CHRM5: variants seen among roughly 807,000 people sequenced by gnomAD.
CHRM5 encodes muscarinic acetylcholine receptor M5.
CHRM5 carries 18 observed loss-of-function variants against 39.0 expected under a neutral mutation model. The observed-to-expected ratio is 0.46, with a 90% confidence interval of 0.32 to 0.68. CHRM5 has a LOEUF of 0.68. Among genes scored for constraint, CHRM5 ranks in the 30% least tolerant of loss-of-function variants. CHRM5 has a pLI of 0.04. For missense variants in CHRM5, 515 were observed against 651.1 expected (o/e 0.79, Z 2.28); for synonymous variants, 241 against 246.3 (o/e 0.98, Z 0.20).
At chr15:34,031,130 T>C (rs1228938741) in intron 1 of CHRM5, among the ~76,000 whole-genome samples, 1 of 138,120 alleles carries the variant, frequency 7.2e-6, no homozygotes, top group East Asian at 2.2e-4. Flanking sequence ...TTTTTTTTTG[T>C]AACAGCCTAT....
intron 2 of CHRM5, among the ~76,000 whole-genome samples, chr15:34,061,846 G>A (rs1367353255): frequency 6.6e-6 from 1 of 152,172 alleles, no homozygotes; most frequent in Admixed American, 6.5e-5. Flanking sequence ...GTATAATATG[G>A]TCTTGGCTCA....
chr15:33,995,506 G>C (rs760188793), intron 1 of CHRM5, among the ~76,000 whole-genome samples: 1 of 152,082 alleles, frequency 6.6e-6, no homozygotes, highest in Non-Finnish European at 1.5e-5. Flanking sequence ...ATCCACAGGC[G>C]TCCTGAAACC....
chr15:33,973,839 G>A (rs1362994179), intron 1 of CHRM5, among the ~76,000 whole-genome samples: 1 of 152,178 alleles, frequency 6.6e-6, no homozygotes, highest in Non-Finnish European at 1.5e-5. Context: ...CAGCAGATGT[G>A]TTAAATGAAT....
chr15:34,013,913 C>CT, intron 1 of CHRM5, among the ~76,000 whole-genome samples: 1 of 152,292 alleles, frequency 6.6e-6, no homozygotes, highest in East Asian at 1.9e-4. Flanking sequence ...GGAACGGCTG[C>CT]TATCTTCCGC....
chr15:34,035,810 T>C (rs1899089809), intron 1 of CHRM5, among the ~76,000 whole-genome samples: 1 of 150,930 alleles, frequency 6.6e-6, no homozygotes, highest in South Asian at 2.1e-4. Flanking sequence ...AAGTTAGTTA[T>C]TTGAGACAGA....
chr15:34,035,941 G>A (rs1379327208), intron 1 of CHRM5, among the ~76,000 whole-genome samples: 1 of 152,050 alleles, frequency 6.6e-6, no homozygotes, highest in African/African-American at 2.4e-5. Flanking sequence ...GACTACAGAT[G>A]CACCCCGCCA....
chr15:34,048,987 G>GGTTTT (rs1415637721), intron 2 of CHRM5, among the ~76,000 whole-genome samples: 1 of 152,076 alleles, frequency 6.6e-6, no homozygotes, highest in Non-Finnish European at 1.5e-5. Flanking sequence ...ACTGTTAAAA[G>GGTTTT]AAAAACAAAC....
rs1410227999 is a variant in CHRM5, at chr15:34,066,076, T to C, written c.*1760T>C. The C allele has an allele frequency of 1.3e-5, 2 of 152,284 alleles. No individual in the cohort carries two copies. The highest frequency in any genetic ancestry group is 3.9e-4 in the East Asian group (2 of 5,192). The allele number at this position is 152,284 out of a possible 1,614,324, so 9.4% of individuals were successfully genotyped here. A position where few individuals can be genotyped will look rare whatever the true frequency, so the allele number is the denominator to read the frequency against. On this transcript the variant is annotated 3_prime_UTR_variant, in exon 3 of 3. Transcript: ENST00000383263. ...AGTAGAATCTCAGGCAGGACGGGAC[T>C]GGTCCCTTATAAAGACTTCACGTTG...
At chr15:34,022,840 G>T (rs1235887067) in intron 1 of CHRM5, among the ~76,000 whole-genome samples, 1 of 152,194 alleles carries the variant, frequency 6.6e-6, no homozygotes, top group Non-Finnish European at 1.5e-5. Context: ...TGCTACCTCT[G>T]TACCACCACT....
chr15:34,025,095 G>A (rs1180112728), intron 1 of CHRM5, among the ~76,000 whole-genome samples: 5 of 151,718 alleles, frequency 3.3e-5, no homozygotes, highest in South Asian at 4.2e-4. Context: ...GTTTGAGCCC[G>A]GGAGGCAGAG....
intron 1 of CHRM5, among the ~76,000 whole-genome samples, chr15:34,031,421 T>C (rs1189024453): frequency 1.3e-5 from 2 of 151,990 alleles, no homozygotes; most frequent in East Asian, 1.9e-4. Context: ...GTGATCTGCC[T>C]GCCTCAGCCT....
intron 1 of CHRM5, among the ~76,000 whole-genome samples, chr15:34,027,525 T>G (rs1220221018): frequency 1.7e-5 from 1 of 57,838 alleles, no homozygotes; most frequent in African/African-American, 3.2e-5. Context: ...AGAGACTCTG[T>G]CTCAAAAAAA....
chr15:33,998,367 A>T (rs67436900), intron 1 of CHRM5, among the ~76,000 whole-genome samples: 31,820 of 152,102 alleles, frequency 0.21, 5,135 homozygotes, highest in African/African-American at 0.45. Flanking sequence ...GGCTGACATC[A>T]GTAATCCCAG....
intron 1 of CHRM5, among the ~76,000 whole-genome samples, chr15:34,000,285 G>A (rs976053935): frequency 1.3e-5 from 2 of 152,132 alleles, no homozygotes; most frequent in African/African-American, 4.8e-5. Context: ...AACTCTGTGA[G>A]ACAGGTGTCT....
intron 1 of CHRM5, among the ~76,000 whole-genome samples, chr15:34,043,560 C>G (rs1216723321): frequency 1.3e-5 from 2 of 152,148 alleles, no homozygotes; most frequent in Non-Finnish European, 2.9e-5. Context: ...GGGAGAGACT[C>G]TGGCATGAGC....
At position 33,992,951 on chromosome 15, in the gene CHRM5, G is replaced by A. The variant is rs1896791043; in HGVS notation, c.-408+23801G>A. On this transcript the variant is annotated intron_variant, in intron 1 of 2. Transcript: ENST00000383263. Reference sequence around the variant, plus strand: ...AGACAACAACTATACTGACCAAACTGCAGTCTGGTTATTTCGTTTTTATTT... The same window carrying A: ...AGACAACAACTATACTGACCAAACTACAGTCTGGTTATTTCGTTTTTATTT... Among the ~76,000 whole-genome samples, 3 of 152,164 alleles carry A rather than the reference G, an allele frequency of 2.0e-5. No homozygotes were observed. In the South Asian group the frequency reaches 6.2e-4, roughly 32 times the overall value.
chr15:34,040,994 C>A (rs903637738), intron 1 of CHRM5, among the ~76,000 whole-genome samples: 6 of 152,004 alleles, frequency 3.9e-5, no homozygotes, highest in Admixed American at 3.9e-4. Context: ...GGTTAAATAT[C>A]TACCAGCATA....
chr15:33,998,847 T>G (rs1358767690), intron 1 of CHRM5, among the ~76,000 whole-genome samples: 1 of 152,212 alleles, frequency 6.6e-6, no homozygotes, highest in Non-Finnish European at 1.5e-5. Flanking sequence ...GACACTGTGG[T>G]GCCTGGGAAT....
chr15:34,006,792 TATA>T (rs1420390137), intron 1 of CHRM5, among the ~76,000 whole-genome samples: 1 of 152,116 alleles, frequency 6.6e-6, no homozygotes, highest in African/African-American at 2.4e-5. Flanking sequence ...TAAGAAGTAA[TATA>T]ATAATAAAAA....
Sources: allele counts gnomAD v4.1 joint callset (sites outside exome capture counted in the v4.1 genomes callset), GRCh38; gene constraint gnomAD v4.1.1; transcripts MANE v1.5; gene names NCBI Gene and HGNC (gene_info 2026-07-23, HGNC 2026-07-21).